SNX8: variants seen among roughly 807,000 people sequenced by gnomAD.
SNX8 encodes sorting nexin-8.
A neutral mutation model predicts 51.6 loss-of-function variants in SNX8; 25 were observed. The ratio of observed to expected loss-of-function variants is 0.48; its 90% confidence interval spans 0.35 to 0.68. SNX8 has a LOEUF of 0.68. Ranked by LOEUF, SNX8 falls within the 30% of genes least tolerant of loss-of-function variation. SNX8 has a pLI of 0.00. For missense variants in SNX8, 695 were observed against 624.0 expected, an observed-to-expected ratio of 1.11 and a Z score of -1.21; for synonymous variants, 324 against 277.0, an observed-to-expected ratio of 1.17 and a Z score of -1.68.
chr7:2,302,275 G>A (rs1354736325), intron 1 of SNX8, among the ~76,000 whole-genome samples: 4 of 152,192 alleles, frequency 2.6e-5, no homozygotes, highest in East Asian at 1.9e-4. Flanking sequence ...ACTGGTTTTC[G>A]TATTTTTTTG....
chr7:2,284,667 G>C (rs1473524160), intron 1 of SNX8, among the ~76,000 whole-genome samples: 1 of 151,558 alleles, frequency 6.6e-6, no homozygotes, highest in African/African-American at 2.4e-5. Flanking sequence ...GCCTCCCAAA[G>C]TGCTGGGATT....
chr7:2,340,125 C>G (rs917714772), intron 1 of SNX8, among the ~76,000 whole-genome samples: 1 of 151,422 alleles, frequency 6.6e-6, no homozygotes, highest in Non-Finnish European at 1.5e-5. Context: ...TGCAATGGCA[C>G]GATCTCAGCT....
chr7:2,345,795 G>A (rs1299247157), intron 1 of SNX8, among the ~76,000 whole-genome samples: 1 of 152,016 alleles, frequency 6.6e-6, no homozygotes, highest in Non-Finnish European at 1.5e-5. Context: ...TGGGCAAAGG[G>A]TATTATTTCT....
chr7:2,346,347 G>A (rs1038531265), intron 1 of SNX8, among the ~76,000 whole-genome samples: 3 of 151,830 alleles, frequency 2.0e-5, no homozygotes, highest in Admixed American at 6.6e-5. Flanking sequence ...TGGGGAGGCC[G>A]AAACAGGAGG....
intron 1 of SNX8, among the ~76,000 whole-genome samples, chr7:2,297,217 TCCC>T (rs1270378908): frequency 6.6e-6 from 1 of 151,616 alleles, no homozygotes; most frequent in Non-Finnish European, 1.5e-5. Flanking sequence ...AATCCAGTAG[TCCC>T]ACTACTGGGT....
intron 1 of SNX8, chr7:2,309,815 C>T (rs1192599157): frequency 1.1e-5 from 5 of 470,804 alleles, no homozygotes; most frequent in South Asian, 3.1e-5. Context: ...CTGACATGAG[C>T]GAGCAGCTGC....
chr7:2,297,778 T>G (rs1368425521), intron 1 of SNX8, among the ~76,000 whole-genome samples: 1 of 151,626 alleles, frequency 6.6e-6, no homozygotes, highest in East Asian at 1.9e-4. Context: ...CTAAGTGAAG[T>G]AACTCAGGAT....
Position 2,344,738 on chromosome 7 carries a change from G to A in SNX8, c.-66+9484C>T, listed in dbSNP as rs572244330. Among the ~76,000 whole-genome samples the A allele has an allele frequency of 1.4e-4, 21 of 151,998 alleles. No individual in the cohort carries two copies. In the East Asian group the frequency reaches 2.5e-3, roughly 18 times the overall value. ...TCATCTGAGGACAGCCTGGCCAACA[G>A]GATGAAACCGCATCTATACCAACAA... On this transcript the variant is annotated intron_variant, in intron 1 of 5. Transcript: ENST00000435336.
intron 1 of SNX8, among the ~76,000 whole-genome samples, chr7:2,280,493 T>C (rs372172832): frequency 9.7e-4 from 147 of 151,416 alleles, no homozygotes; most frequent in African/African-American, 3.0e-3. Flanking sequence ...AAAAAAAAAG[T>C]TTAAAATAAG....
intron 1 of SNX8, among the ~76,000 whole-genome samples, chr7:2,347,142 T>G (rs1047020751): frequency 2.6e-5 from 4 of 151,822 alleles, no homozygotes; most frequent in Non-Finnish European, 4.4e-5. Flanking sequence ...TGGGGCAACA[T>G]AGCTAGACAC....
chr7:2,302,514 C>T (rs945818729), intron 1 of SNX8, among the ~76,000 whole-genome samples: 2 of 152,184 alleles, frequency 1.3e-5, no homozygotes, highest in South Asian at 2.1e-4. Context: ...AGCCTCTGCC[C>T]GGCCACCACC....
intron 4 of SNX8, among the ~76,000 whole-genome samples, chr7:2,270,047 CA>C (rs1795606419): frequency 6.6e-6 from 1 of 152,128 alleles, no homozygotes; most frequent in Admixed American, 6.5e-5. Flanking sequence ...CGCAATAGAA[CA>C]GGGCAAAAGT....
At chr7:2,285,322 G>A (rs1450714792) in intron 1 of SNX8, among the ~76,000 whole-genome samples, 1 of 152,120 alleles carries the variant, frequency 6.6e-6, no homozygotes, top group East Asian at 1.9e-4. Context: ...CCGGGAGGCA[G>A]AGGTTGCGGT....
chr7:2,327,904 C>T (rs915316406), intron 1 of SNX8, among the ~76,000 whole-genome samples: 1 of 152,064 alleles, frequency 6.6e-6, no homozygotes, highest in East Asian at 1.9e-4. Flanking sequence ...CATTTGTCAC[C>T]CAGGCTGGAG....
upstream of SNX8, among the ~76,000 whole-genome samples, chr7:2,314,932 T>A (rs1027717795): frequency 1.3e-5 from 2 of 149,756 alleles, no homozygotes; most frequent in African/African-American, 2.5e-5. Flanking sequence ...ACTCACACAC[T>A]CACTCACCGC....
At chr7:2,274,786 C>T (rs375456512) in intron 3 of SNX8, among the ~76,000 whole-genome samples, 38 of 152,292 alleles carry the variant, frequency 2.5e-4, no homozygotes, top group African/African-American at 7.9e-4. Context: ...GCAGCCCTCT[C>T]GGGAGCTCTC....
intron 7 of SNX8, 72 bp downstream of exon 7, chr7:2,263,158 C>A: frequency 6.5e-7 from 1 of 1,539,280 alleles, no homozygotes; most frequent in Admixed American, 1.8e-5. Flanking sequence ...CCCATCTAAG[C>A]AGGAGGCACT....
chr7:2,293,578 C>A (rs192641300), intron 1 of SNX8, among the ~76,000 whole-genome samples: 226 of 150,940 alleles, frequency 1.5e-3, no homozygotes, highest in African/African-American at 5.2e-3. Context: ...AGGAGAATCG[C>A]TTGAACCCAG....
At chr7:2,288,387 G>C (rs943142995) in intron 1 of SNX8, 3 of 161,934 alleles carry the variant, frequency 1.9e-5, no homozygotes, top group African/African-American at 7.5e-5. Flanking sequence ...TACTGTCTTT[G>C]TAGAAAATCT....
Sources: allele counts gnomAD v4.1 joint callset (sites outside exome capture counted in the v4.1 genomes callset), GRCh38; gene constraint gnomAD v4.1.1; transcripts MANE v1.5; gene names NCBI Gene and HGNC (gene_info 2026-07-23, HGNC 2026-07-21).